The following DNAJB4 variants were observed in gnomAD, a reference collection of about 807,000 sequenced individuals.
DNAJB4 encodes DnaJ heat shock protein family (Hsp40) member B4.
In DNAJB4, 10 loss-of-function variants were observed where a neutral mutation model predicts 26.6. The ratio of observed to expected loss-of-function variants is 0.38; its 90% CI spans 0.23 to 0.64. The LOEUF is 0.64. Ranked by LOEUF, DNAJB4 falls within the 30% of genes least tolerant of loss-of-function variation. DNAJB4 has a pLI of 0.58. For synonymous variants in DNAJB4, 136 were observed against 134.8 expected (o/e 1.01, Z -0.06); for missense variants, 328 against 408.2 (o/e 0.80, Z 1.69).
At position 77,986,187 on chromosome 1, in the gene DNAJB4, G is replaced by T. The variant is rs1011861630; in HGVS notation, c.-32+5865G>T. Among the ~76,000 whole-genome samples, 3 of 152,144 alleles carry T rather than the reference G, an allele frequency of 2.0e-5. No homozygotes were observed. In the South Asian group the frequency reaches 6.2e-4, roughly 32 times the overall value. ...TTATATCTTGGGGTAAAGACTTCAA[G>T]CTTCTGGCCAGGTTACAGCCCGGGA... On this transcript the variant is annotated intron_variant, in intron 1 of 2. Coordinates refer to the DNAJB4 transcript ENST00000426517.
intron 1 of DNAJB4, among the ~76,000 whole-genome samples, chr1:77,998,842 C>CTAAATAAATAAA (rs34957865): frequency 1.5e-4 from 23 of 150,118 alleles, no homozygotes; most frequent in Non-Finnish European, 3.1e-4. Context: ...GATCCTGTCT[C>CTAAATAAATAAA]TAAATAAATA....
intron 1 of DNAJB4, among the ~76,000 whole-genome samples, chr1:77,999,547 GTAGT>G (rs1371592653): frequency 6.6e-6 from 1 of 152,012 alleles, no homozygotes; most frequent in Non-Finnish European, 1.5e-5. Context: ...GGTGAATCTG[GTAGT>G]TACTTTAATG....
chr1:77,980,692 A>T (rs902761502), intron 1 of DNAJB4, among the ~76,000 whole-genome samples: 1 of 152,180 alleles, frequency 6.6e-6, no homozygotes. Context: ...AAATATATAT[A>T]TGCTGCATTC....
intron 1 of DNAJB4, among the ~76,000 whole-genome samples, chr1:77,995,962 C>CA (rs1660051589): frequency 6.6e-6 from 1 of 151,680 alleles, no homozygotes; most frequent in East Asian, 1.9e-4. Context: ...CAAAACAAAA[C>CA]AAAAAAAGAA....
upstream of DNAJB4, among the ~76,000 whole-genome samples, chr1:78,001,346 A>G (rs202098485): frequency 4.3e-5 from 1 of 23,310 alleles, no homozygotes; most frequent in Non-Finnish European, 7.1e-5. Context: ...CTCAAAAAAG[A>G]AAAAAAAAAA....
rs1423100404 is a variant in DNAJB4, at chr1:78,005,070, T to C, written c.-41T>C. 1 of 1,588,612 alleles carries C rather than the reference T, an allele frequency of 6.3e-7. No homozygotes were observed. The highest frequency in any genetic ancestry group is 2.2e-5 in the East Asian group (1 of 44,710). Reference sequence around the variant, plus strand: ...TGCTAAGACTGGGGACGCTGTTTTCTTTTACAAAGGGAAATCTAAGTTAAT... The same window carrying C: ...TGCTAAGACTGGGGACGCTGTTTTCCTTTACAAAGGGAAATCTAAGTTAAT... On this transcript the variant is annotated 5_prime_UTR_variant, in exon 1 of 3. Coordinates refer to ENST00000370763, the MANE Select transcript of DNAJB4 (RefSeq NM_007034.5).
chr1:77,997,706 A>C (rs1660095853), intron 1 of DNAJB4, among the ~76,000 whole-genome samples: 2 of 152,108 alleles, frequency 1.3e-5, no homozygotes, highest in Admixed American at 1.3e-4. Context: ...TCAGTCTTTC[A>C]TGACTTTGCT....
Position 78,013,293 on chromosome 1 carries a change from T to A in DNAJB4, c.454T>A (p.Ser152Thr). 2.5e-6 allele frequency: 4 copies of A among 1,614,036 alleles called. No individual in the cohort carries two copies. Among genetic ancestry groups the A allele is most frequent in the Non-Finnish European group, 3.4e-6 (4 of 1,179,946 alleles). ...AAGAGACAGGAATTCTGTGGGGCCA[T>A]CCCGCCTCAAACAAGATCCTCCAGT... The part of the protein sequence containing the change: ...YPRDRNSVGP[S>T]RLKQDPPVIH... Residue 152 changes from serine to threonine, a missense_variant, in exon 2 of 3, where the codon TCC becomes ACC. Physicochemically the swap from Ser to Thr is moderately conservative, Grantham distance 58. Transcript: ENST00000370763.
intron 1 of DNAJB4, among the ~76,000 whole-genome samples, chr1:77,993,029 CTGAG>C (rs1659974219): frequency 6.6e-6 from 1 of 151,978 alleles, no homozygotes; most frequent in Admixed American, 6.6e-5. Flanking sequence ...CGGCCTATTT[CTGAG>C]TGTTTATTGT....
intron 1 of DNAJB4, among the ~76,000 whole-genome samples, chr1:77,982,782 A>G (rs1232251073): frequency 6.6e-6 from 1 of 152,170 alleles, no homozygotes; most frequent in Non-Finnish European, 1.5e-5. Flanking sequence ...TGGGTGACAC[A>G]GCGAGATTCT....
chr1:77,988,571 C>T (rs1018217763), intron 1 of DNAJB4, among the ~76,000 whole-genome samples: 1 of 152,162 alleles, frequency 6.6e-6, no homozygotes, highest in Non-Finnish European at 1.5e-5. Flanking sequence ...TGCATTCCCT[C>T]ACTTCTAGGC....
chr1:77,981,597 C>G (rs544936012), intron 1 of DNAJB4, among the ~76,000 whole-genome samples: 1 of 152,256 alleles, frequency 6.6e-6, no homozygotes, highest in African/African-American at 2.4e-5. Context: ...CAGGCATGAG[C>G]CACCGCGCCC....
In DNAJB4 at chr1:78,004,985, A is replaced by T; in HGVS notation, c.-126A>T. 1 of 940,854 alleles carries T rather than the reference A, an allele frequency of 1.1e-6. No individual in the cohort carries two copies. The highest frequency in any genetic ancestry group is 1.6e-6 in the Non-Finnish European group (1 of 611,966). 58.3% of individuals were successfully genotyped at this position (940,854 alleles called of 1,614,324 possible). A position where few individuals can be genotyped will look rare whatever the true frequency, so the allele number is the denominator to read the frequency against. On this transcript the variant is annotated 5_prime_UTR_variant, in exon 1 of 3. Transcript: ENST00000370763. Reference sequence around the variant, plus strand: ...GTCTGCTTGCTGCCTTAAGACAGCTAGCTGAATTGCTGATTAACTTTTAAA... The same window carrying T: ...GTCTGCTTGCTGCCTTAAGACAGCTTGCTGAATTGCTGATTAACTTTTAAA...
intron 1 of DNAJB4, among the ~76,000 whole-genome samples, chr1:78,007,879 T>TA (rs1660372580): frequency 6.6e-6 from 1 of 151,950 alleles, no homozygotes; most frequent in South Asian, 2.1e-4. Context: ...TTCTTCCCGC[T>TA]CCCCCCAAGT....
chr1:77,982,337 T>G (rs962032785), intron 1 of DNAJB4, among the ~76,000 whole-genome samples: 7 of 152,228 alleles, frequency 4.6e-5, no homozygotes, highest in Non-Finnish European at 1.0e-4. Context: ...CATTTATTGT[T>G]TCTTTTCCTA....
chr1:78,013,365 A>C lies in DNAJB4; in HGVS notation c.526A>C (p.Thr176Pro). ...ACTTGAAGAGATATATAGTGGTTGT[A>C]CCAAACGGATGAAGATTTCTCGAAA... ...VSLEEIYSGC[T>P]KRMKISRKRL... is the part of the protein sequence containing the mutation. The change falls in exon 2 of 3, where the codon ACC becomes CCC. Residue 176 changes from threonine to proline, a missense_variant. Thr to Pro is a conservative substitution (Grantham distance 38). Coordinates refer to ENST00000370763, the MANE Select transcript of DNAJB4 (RefSeq NM_007034.5). 6.2e-7 allele frequency: 1 copy of C among 1,614,222 alleles called. No individual in the cohort carries two copies. The highest frequency in any genetic ancestry group is 8.5e-7 in the Non-Finnish European group (1 of 1,180,042).
upstream of DNAJB4, among the ~76,000 whole-genome samples, chr1:78,000,685 A>G (rs548589701): frequency 1.3e-5 from 2 of 152,262 alleles, no homozygotes; most frequent in East Asian, 3.9e-4. Context: ...TCTAATATGA[A>G]TGACTAAGAA....
chr1:77,984,068 A>G (rs932450138), intron 1 of DNAJB4, among the ~76,000 whole-genome samples: 1 of 152,202 alleles, frequency 6.6e-6, no homozygotes, highest in African/African-American at 2.4e-5. Flanking sequence ...TACATAAGCA[A>G]ACTGAAACCT....
upstream of DNAJB4, chr1:78,004,267 A>G (rs983494854): frequency 1.3e-5 from 2 of 152,204 alleles, no homozygotes; most frequent in Non-Finnish European, 2.9e-5. Context: ...TAAAATTTCA[A>G]AAATAAGTAT....
Sources: allele counts gnomAD v4.1 joint callset (sites outside exome capture counted in the v4.1 genomes callset), GRCh38; gene constraint gnomAD v4.1.1; transcripts MANE v1.5; gene names NCBI Gene and HGNC (gene_info 2026-07-23, HGNC 2026-07-21).